The following KLHL29 variants were observed in gnomAD, a reference collection of about 807,000 sequenced individuals.
The protein encoded by KLHL29 is kelch like family member 29.
Under a neutral mutation model 80.4 loss-of-function variants are expected in KLHL29, and 21 were observed. The ratio of observed to expected loss-of-function variants is 0.26; its 90% CI spans 0.19 to 0.38. KLHL29 has a LOEUF of 0.38. KLHL29 is among the 10% of genes least tolerant of loss of function. KLHL29 has a pLI of 1.00. For missense variants in KLHL29, 867 were observed against 1,223.9 expected (o/e 0.71, Z 4.35); for synonymous variants, 511 against 526.8 (o/e 0.97, Z 0.41).
chr2:23,686,813 C>T (rs1671281233), intron 6 of KLHL29, among the ~76,000 whole-genome samples: 1 of 152,106 alleles, frequency 6.6e-6, no homozygotes, highest in South Asian at 2.1e-4. Flanking sequence ...CTTCAGCATA[C>T]AGTAAGGTCA....
At position 23,477,425 on chromosome 2, in the gene KLHL29, C is replaced by T. The variant is rs114196472; in HGVS notation, c.-46+1758C>T. Among the ~76,000 whole-genome samples the T allele has an allele frequency of 8.2e-3, 1,256 of 152,386 alleles. 17 individuals carry two copies. Among genetic ancestry groups the T allele is most frequent in the African/African-American group, 0.028 (1,151 of 41,596 alleles). ...TGGCTTTGGAATCTCAGGCTAGGCG[C>T]AGCCTTGGTTGTCAGCAGGAAGCGG... On this transcript the variant is annotated intron_variant, in intron 2 of 13. Transcript: ENST00000486442.
At chr2:23,389,804 C>G (rs1466565434) in intron 1 of KLHL29, among the ~76,000 whole-genome samples, 1 of 152,152 alleles carries the variant, frequency 6.6e-6, no homozygotes, top group Non-Finnish European at 1.5e-5. Context: ...TGTTTGGAAG[C>G]TGGTAGAATA....
At chr2:23,602,662 A>G (rs1011192942) in intron 3 of KLHL29, among the ~76,000 whole-genome samples, 2 of 149,070 alleles carry the variant, frequency 1.3e-5, no homozygotes, top group African/African-American at 5.0e-5. Flanking sequence ...TGTGTTGCCC[A>G]GACTGGTCTC....
intron 2 of KLHL29, among the ~76,000 whole-genome samples, chr2:23,536,918 A>ACACTCTCTCT (rs143009876): frequency 2.8e-5 from 4 of 140,736 alleles, no homozygotes; most frequent in East Asian, 2.2e-4. Flanking sequence ...ACACACACAC[A>ACACTCTCTCT]CTCTCTCTCT....
chr2:23,498,101 C>G (rs1010329670), intron 2 of KLHL29, among the ~76,000 whole-genome samples: 1 of 152,170 alleles, frequency 6.6e-6, no homozygotes, highest in Non-Finnish European at 1.5e-5. Context: ...GTGAAAAAAG[C>G]ACCAAAATCT....
At chr2:23,453,902 AGGAG>A (rs1259809208) in intron 1 of KLHL29, among the ~76,000 whole-genome samples, 1 of 152,050 alleles carries the variant, frequency 6.6e-6, no homozygotes, top group Non-Finnish European at 1.5e-5. Flanking sequence ...AAAAATGGGG[AGGAG>A]GTTTTAGAAC....
chr2:23,450,101 G>C (rs572777913), intron 1 of KLHL29, among the ~76,000 whole-genome samples: 1 of 152,256 alleles, frequency 6.6e-6, no homozygotes, highest in Admixed American at 6.5e-5. Flanking sequence ...TGTCCTCAAT[G>C]TGACAAATAC....
chr2:23,665,240 T>TA (rs1352952848), intron 5 of KLHL29, among the ~76,000 whole-genome samples: 8 of 152,238 alleles, frequency 5.3e-5, no homozygotes, highest in Admixed American at 3.9e-4. Flanking sequence ...CACCTTGTGT[T>TA]ACAGCTTGAA....
rs112722947 is a variant in KLHL29, at chr2:23,651,373, C to G, written c.940+8523C>G. On this transcript the variant is annotated intron_variant, in intron 5 of 13. Transcript: ENST00000486442. ...ACAGTCTGGTTCTGCCCACAGGCCT[C>G]TCACTACCTTGCCCTCCCCTCTTGC... 2.8e-3 allele frequency among the ~76,000 whole-genome samples: 429 copies of G among 152,256 alleles called. 1 individual carries two copies. Among genetic ancestry groups the G allele is most frequent in the African/African-American group, 9.7e-3 (402 of 41,554 alleles).
chr2:23,514,572 C>T (rs2103464638), intron 2 of KLHL29, among the ~76,000 whole-genome samples: 1 of 152,304 alleles, frequency 6.6e-6, no homozygotes, highest in Non-Finnish European at 1.5e-5. Context: ...CAGCTGATGA[C>T]AGAATTCTTT....
chr2:23,705,826 C>T (rs1672683109), intron 13 of KLHL29, among the ~76,000 whole-genome samples: 1 of 152,112 alleles, frequency 6.6e-6, no homozygotes. Flanking sequence ...AGCTGAAATG[C>T]ATTAAGGGAG....
At chr2:23,387,967 G>A (rs11125011) in intron 1 of KLHL29, among the ~76,000 whole-genome samples, 42,876 of 151,868 alleles carry the variant, frequency 0.28, 6,439 homozygotes, top group South Asian at 0.38. Flanking sequence ...TCTTCTCCTC[G>A]GTCTCTCGGT....
intron 1 of KLHL29, among the ~76,000 whole-genome samples, chr2:23,455,577 G>A (rs1156970872): frequency 2.7e-5 from 4 of 150,908 alleles, no homozygotes; most frequent in Non-Finnish European, 5.9e-5. Flanking sequence ...GTGATGAAGA[G>A]AAGCGTCAGC....
chr2:23,485,139 G>T (rs961998352), intron 2 of KLHL29, among the ~76,000 whole-genome samples: 1 of 152,100 alleles, frequency 6.6e-6, no homozygotes, highest in African/African-American at 2.4e-5. Context: ...CCCTACACAG[G>T]CTGAAAAGGA....
intron 3 of KLHL29, among the ~76,000 whole-genome samples, chr2:23,595,148 C>T (rs541343082): frequency 2.0e-5 from 3 of 152,142 alleles, no homozygotes; most frequent in Non-Finnish European, 2.9e-5. Flanking sequence ...CTGTTGCAGG[C>T]GCCCAGAAAG....
At position 23,681,151 on chromosome 2, in the gene KLHL29, G is replaced by A. The variant is rs567660098; in HGVS notation, c.941-3248G>A. Among the ~76,000 whole-genome samples, 20 of 152,326 alleles carry A rather than the reference G, an allele frequency of 1.3e-4. No individual in the cohort carries two copies. Among genetic ancestry groups the A allele is most frequent in the African/African-American group, 4.6e-4 (19 of 41,596 alleles). Reference sequence around the variant, plus strand: ...AGCCTAAGCTCCTGCTTCGCCGGCCGGGCAGGCAGTGGGCAGCAGCCCGCA... The same window carrying A: ...AGCCTAAGCTCCTGCTTCGCCGGCCAGGCAGGCAGTGGGCAGCAGCCCGCA... On this transcript the variant is annotated intron_variant, in intron 5 of 13. Coordinates refer to ENST00000486442, the MANE Select transcript of KLHL29 (RefSeq NM_052920.2). This position sits in a 1 kb window ranked among gnomAD's most constrained non-coding sequence, Gnocchi z 4.2.
At chr2:23,523,015 C>A (rs886754004) in intron 2 of KLHL29, among the ~76,000 whole-genome samples, 2 of 150,050 alleles carry the variant, frequency 1.3e-5, no homozygotes, top group Non-Finnish European at 3.0e-5. Context: ...AGAATCTATG[C>A]GCCTGCCTGT....
rs181711582 is a variant in KLHL29, at chr2:23,568,713, C to A, written c.285+6232C>A. ...CCCCACCTCTTGATGGGAGATACTG[C>A]AACACCACATTGCAAAGGGACAGGC... On this transcript the variant is annotated intron_variant, in intron 3 of 13. Coordinates refer to ENST00000486442, the MANE Select transcript of KLHL29 (RefSeq NM_052920.2). Among the ~76,000 whole-genome samples, 171 of 152,348 alleles carry A rather than the reference C, an allele frequency of 1.1e-3. 1 individual carries two copies. Among genetic ancestry groups the A allele is most frequent in the African/African-American group, 4.1e-3 (169 of 41,580 alleles).
intron 5 of KLHL29, chr2:23,643,211 T>C (rs1669827075): frequency 2.3e-6 from 1 of 428,978 alleles, no homozygotes; most frequent in African/African-American, 2.0e-5. Context: ...TCCACTCCTC[T>C]CAGGGCACCG....
Sources: gnomAD v4.1 joint callset for allele counts (sites outside exome capture counted in the v4.1 genomes callset) on GRCh38, gnomAD v4.1.1 for gene constraint, Gnocchi (gnomAD v3.1) non-coding constraint, MANE v1.5 for transcripts, NCBI Gene and HGNC (gene_info 2026-07-23, HGNC 2026-07-21) for gene names.